TNR: variants seen among roughly 807,000 people sequenced by gnomAD.
TNR encodes tenascin-R.
A neutral mutation model predicts 150.4 loss-of-function variants in TNR; 45 were observed. The ratio of observed to expected loss-of-function variants is 0.30; its 90% confidence interval spans 0.24 to 0.38. The LOEUF (loss-of-function observed/expected upper bound fraction) is 0.38, where lower values mean the gene tolerates loss of function less well. Ranked by LOEUF, TNR falls within the 10% of genes least tolerant of loss-of-function variation. The pLI, the probability that TNR is intolerant of heterozygous loss-of-function variation, is 1.00. For missense variants in TNR, 1,544 were observed against 1,759.1 expected, an observed-to-expected ratio of 0.88 and a Z score of 2.19; for synonymous variants, 687 against 678.4, an observed-to-expected ratio of 1.01 and a Z score of -0.20.
chr1:175,601,196 G>A (rs1217091908), intron 1 of TNR, among the ~76,000 whole-genome samples: 1 of 152,208 alleles, frequency 6.6e-6, no homozygotes, highest in Non-Finnish European at 1.5e-5. Context: ...GAGGAGTCTG[G>A]TAAAAACCGC....
intron 1 of TNR, among the ~76,000 whole-genome samples, chr1:175,575,441 A>G (rs1051828167): frequency 6.6e-6 from 1 of 152,194 alleles, no homozygotes; most frequent in Non-Finnish European, 1.5e-5. Flanking sequence ...GTTGGATAGA[A>G]GCATTCATGG....
chr1:175,397,898 C>T (rs1327208549), intron 4 of TNR, among the ~76,000 whole-genome samples: 1 of 152,218 alleles, frequency 6.6e-6, no homozygotes, highest in Non-Finnish European at 1.5e-5. Context: ...AGGCTAACTC[C>T]AGTGTGTCTG....
At chr1:175,475,852 A>T (rs1480822599) in intron 2 of TNR, among the ~76,000 whole-genome samples, 1 of 152,226 alleles carries the variant, frequency 6.6e-6, no homozygotes, top group African/African-American at 2.4e-5. Flanking sequence ...AATAATGAGC[A>T]ATTTGAGCAA....
At chr1:175,350,201 G>C (rs1400733465) in intron 18 of TNR, among the ~76,000 whole-genome samples, 1 of 152,238 alleles carries the variant, frequency 6.6e-6, no homozygotes, top group African/African-American at 2.4e-5. Flanking sequence ...CAGCCTGGAT[G>C]TGGAAGGGCA....
intron 2 of TNR, among the ~76,000 whole-genome samples, chr1:175,481,339 T>A (rs1657801995): frequency 6.6e-6 from 1 of 152,184 alleles, no homozygotes; most frequent in Non-Finnish European, 1.5e-5. Context: ...TTTTCCAACA[T>A]CTGTACCTGA....
intron 1 of TNR, among the ~76,000 whole-genome samples, chr1:175,538,164 G>A (rs1660367127): frequency 1.3e-5 from 2 of 152,184 alleles, no homozygotes; most frequent in Non-Finnish European, 2.9e-5. Flanking sequence ...TGTGACCATG[G>A]CTAGGGTGTT....
chr1:175,376,141 G>C (rs2102022478), intron 9 of TNR, among the ~76,000 whole-genome samples: 1 of 152,060 alleles, frequency 6.6e-6, no homozygotes, highest in African/African-American at 2.4e-5. Context: ...AACATCTCTG[G>C]GCGTAATGCC....
chr1:175,577,688 G>A (rs1662175808), intron 1 of TNR, among the ~76,000 whole-genome samples: 1 of 152,098 alleles, frequency 6.6e-6, no homozygotes, highest in Non-Finnish European at 1.5e-5. Flanking sequence ...TCGTTTCTGT[G>A]GAGGGCCACG....
intron 2 of TNR, among the ~76,000 whole-genome samples, chr1:175,462,292 T>C (rs1656854232): frequency 6.6e-6 from 1 of 152,212 alleles, no homozygotes; most frequent in African/African-American, 2.4e-5. Flanking sequence ...ATGCCGACTC[T>C]AATGAAAACA....
At position 175,725,633 on chromosome 1, in the gene TNR, G is replaced by A. The variant is rs114584173; in HGVS notation, c.-165+17593C>T. On this transcript the variant is annotated intron_variant, in intron 1 of 22. Transcript: ENST00000367674. ...CACAATTTGGGGAAAAAAATAACAG[G>A]CAAGAGAAGATGTGGGGAAAATAGG... Among the ~76,000 whole-genome samples the A allele has an allele frequency of 1.3e-3, 195 of 152,310 alleles. 1 individual carries two copies. The highest frequency in any genetic ancestry group is 2.2e-3 in the Non-Finnish European group (150 of 68,022).
chr1:175,357,767 T>C (rs1371909725), intron 15 of TNR, among the ~76,000 whole-genome samples: 1 of 152,250 alleles, frequency 6.6e-6, no homozygotes, highest in African/African-American at 2.4e-5. Flanking sequence ...TAGCATACAC[T>C]GCTCACATCA....
intron 1 of TNR, among the ~76,000 whole-genome samples, chr1:175,648,763 G>T (rs1558053578): frequency 6.6e-6 from 1 of 152,100 alleles, no homozygotes; most frequent in Non-Finnish European, 1.5e-5. Context: ...TCTCTGCCTA[G>T]CCCTGTCCTC....
chr1:175,699,419 A>G (rs992570828), intron 1 of TNR, among the ~76,000 whole-genome samples: 2 of 152,106 alleles, frequency 1.3e-5, no homozygotes, highest in Non-Finnish European at 2.9e-5. Context: ...TCCTCTAGCC[A>G]TTTTCAGTTG....
intron 4 of TNR, among the ~76,000 whole-genome samples, chr1:175,398,880 A>C (rs1653565601): frequency 6.6e-6 from 1 of 152,218 alleles, no homozygotes; most frequent in Non-Finnish European, 1.5e-5. Flanking sequence ...CATATGAGGT[A>C]GTTCATGTAG....
intron 1 of TNR, among the ~76,000 whole-genome samples, chr1:175,639,976 G>A (rs1045714786): frequency 5.3e-5 from 8 of 152,164 alleles, no homozygotes; most frequent in Non-Finnish European, 8.8e-5. Flanking sequence ...GTAAACTCAG[G>A]AAGTGCAAGG....
At chr1:175,713,872 G>A (rs1234321337) in intron 1 of TNR, among the ~76,000 whole-genome samples, 1 of 152,196 alleles carries the variant, frequency 6.6e-6, no homozygotes, top group African/African-American at 2.4e-5. Flanking sequence ...CTCAGTGAAA[G>A]GAAGATGAAT....
chr1:175,570,397 C>T (rs551725125), intron 1 of TNR, among the ~76,000 whole-genome samples: 1 of 152,222 alleles, frequency 6.6e-6, no homozygotes, highest in Admixed American at 6.5e-5. Flanking sequence ...CTAAAAAAGG[C>T]AGCTGTTTTC....
At chr1:175,470,990 C>T (rs191999244) in intron 2 of TNR, among the ~76,000 whole-genome samples, 1 of 152,272 alleles carries the variant, frequency 6.6e-6, no homozygotes, top group East Asian at 1.9e-4. Context: ...ATTGGATGCA[C>T]TAGAAATTTT....
chr1:175,545,322 T>G (rs558816304), intron 1 of TNR, among the ~76,000 whole-genome samples: 1 of 152,310 alleles, frequency 6.6e-6, no homozygotes, highest in Non-Finnish European at 1.5e-5. Context: ...CAGATTGCTA[T>G]GGATTGAGGC....
Sources: allele counts gnomAD v4.1 joint callset (sites outside exome capture counted in the v4.1 genomes callset), GRCh38; gene constraint gnomAD v4.1.1; transcripts MANE v1.5; gene names NCBI Gene and HGNC (gene_info 2026-07-23, HGNC 2026-07-21).